Variants in ACTR3 observed in about 807,000 individuals in gnomAD.
ACTR3 encodes actin related protein 3.
Under a neutral mutation model 56.8 loss-of-function variants are expected in ACTR3, and 12 were observed. The ratio of observed to expected loss-of-function variants is 0.21; its 90% CI spans 0.14 to 0.34. The LOEUF (loss-of-function observed/expected upper bound fraction) is 0.34, where lower values mean the gene tolerates loss of function less well. ACTR3 is among the 10% of genes least tolerant of loss of function. ACTR3 has a pLI of 1.00. For missense variants in ACTR3, 282 were observed against 512.5 expected (o/e 0.55, Z 4.34); for synonymous variants, 162 against 167.4 (o/e 0.97, Z 0.25).
intron 1 of ACTR3, among the ~76,000 whole-genome samples, chr2:113,912,577 A>T (rs1679327539): frequency 6.6e-6 from 1 of 152,334 alleles, no homozygotes; most frequent in South Asian, 2.1e-4. Context: ...ATTTCTGTTC[A>T]TCATGCCCCA....
intron 8 of ACTR3, among the ~76,000 whole-genome samples, chr2:113,950,539 A>G (rs1212940791): frequency 8.5e-5 from 13 of 152,214 alleles, no homozygotes; most frequent in Admixed American, 8.5e-4. Context: ...GGAGTAACAA[A>G]TATGTTTTAG....
At chr2:113,950,925 G>C (rs1680109911) in intron 8 of ACTR3, 1 of 152,608 alleles carries the variant, frequency 6.6e-6, no homozygotes, top group African/African-American at 2.4e-5. Context: ...CTTACATGAT[G>C]GCAGCAGGCA....
intron 3 of ACTR3, among the ~76,000 whole-genome samples, chr2:113,926,980 T>C (rs755501775): frequency 3.0e-4 from 46 of 152,368 alleles, no homozygotes; most frequent in Middle Eastern, 6.8e-3. Flanking sequence ...CATTAAAAAT[T>C]AAGGAAATTG....
chr2:113,921,802 G>A (rs867201715), intron 3 of ACTR3, among the ~76,000 whole-genome samples: 7 of 152,136 alleles, frequency 4.6e-5, no homozygotes, highest in Middle Eastern at 3.2e-3. Flanking sequence ...GATTTTGGAG[G>A]TAAGAAACAA....
At chr2:113,942,569 G>GA (rs2104620156) in intron 8 of ACTR3, among the ~76,000 whole-genome samples, 1 of 151,942 alleles carries the variant, frequency 6.6e-6, no homozygotes, top group African/African-American at 2.4e-5. Flanking sequence ...TGCAGATTTA[G>GA]AAAAAACTTT....
intron 10 of ACTR3, chr2:113,952,645 G>A (rs776306834): frequency 6.6e-6 from 1 of 152,074 alleles, no homozygotes; most frequent in Non-Finnish European, 1.5e-5. Context: ...CATGATGGCT[G>A]ACTGTTGTCA....
In ACTR3 at chr2:113,960,431, T is replaced by C. The variant is rs1320345479; in HGVS notation, c.*2976T>C. On this transcript the variant is annotated 3_prime_UTR_variant, in exon 12 of 12. Transcript: ENST00000263238. ...TCTAGGAATATTTTTAGAAATAATA[T>C]GAAATACAGGGATAATAGGCCAATT... is the stretch of plus-strand genomic sequence containing the variant. 1 of 152,018 alleles carries C rather than the reference T, an allele frequency of 6.6e-6. No homozygotes were observed. The allele number at this position is 152,018 out of a possible 1,614,324, so 9.4% of individuals were successfully genotyped here.
At chr2:113,945,800 C>T (rs1680010468) in intron 8 of ACTR3, among the ~76,000 whole-genome samples, 1 of 152,152 alleles carries the variant, frequency 6.6e-6, no homozygotes, top group East Asian at 1.9e-4. Context: ...TTCCCACTCT[C>T]CACCCTCCGA....
At chr2:113,893,481 A>G (rs1360726732) in intron 1 of ACTR3, among the ~76,000 whole-genome samples, 1 of 152,110 alleles carries the variant, frequency 6.6e-6, no homozygotes, top group Non-Finnish European at 1.5e-5. Context: ...TTTAGTAGAG[A>G]TGGGGTTTCA....
intron 1 of ACTR3, among the ~76,000 whole-genome samples, chr2:113,896,875 A>C (rs2104579856): frequency 6.6e-6 from 1 of 152,344 alleles, no homozygotes; most frequent in East Asian, 1.9e-4. Flanking sequence ...GTTTAGCTCT[A>C]GCTAAATTTC....
At chr2:113,902,687 T>C (rs559174757) in intron 1 of ACTR3, among the ~76,000 whole-genome samples, 2 of 151,982 alleles carry the variant, frequency 1.3e-5, no homozygotes, top group South Asian at 4.1e-4. Flanking sequence ...GCAACCTCTT[T>C]CTCCCGGGTT....
Position 113,957,413 on chromosome 2 carries a change from T to A in ACTR3, c.1215T>A (p.Pro405=), listed in dbSNP as rs1680235619. The change falls in exon 12 of 12, where the codon CCT becomes CCA. Residue 405 remains proline (P), a synonymous_variant. Coordinates refer to ENST00000263238, the MANE Select transcript of ACTR3 (RefSeq NM_005721.5). ...HTKKDYEEIG[P]SICRHNPVFG... ...AAAAGGATTATGAAGAAATTGGACC[T>A]AGCATTTGTCGTCACAATCCAGTGT... The A allele has an allele frequency of 3.7e-6, 6 of 1,613,490 alleles. No homozygotes were observed. Among genetic ancestry groups the A allele is most frequent in the Non-Finnish European group, 5.1e-6 (6 of 1,179,612 alleles).
At chr2:113,926,411 C>T (rs1679620574) in intron 3 of ACTR3, among the ~76,000 whole-genome samples, 1 of 152,150 alleles carries the variant, frequency 6.6e-6, no homozygotes, top group South Asian at 2.1e-4. Context: ...TGGTAGTACA[C>T]TGGGGTGCTG....
At chr2:113,891,453 CAT>C (rs1678893081) in intron 1 of ACTR3, among the ~76,000 whole-genome samples, 1 of 151,654 alleles carries the variant, frequency 6.6e-6, no homozygotes, top group Non-Finnish European at 1.5e-5. Context: ...CTCATAACTG[CAT>C]AGAGAATAGA....
At chr2:113,922,804 C>T (rs560115085) in intron 3 of ACTR3, among the ~76,000 whole-genome samples, 1 of 152,198 alleles carries the variant, frequency 6.6e-6, no homozygotes, top group African/African-American at 2.4e-5. Context: ...ATATTGATGG[C>T]TAGGGAATAA....
chr2:113,899,942 A>C (rs1387963131), intron 1 of ACTR3, among the ~76,000 whole-genome samples: 2 of 152,198 alleles, frequency 1.3e-5, no homozygotes, highest in Non-Finnish European at 1.5e-5. Flanking sequence ...CTTATTTCAG[A>C]AGGATTTTAA....
Position 113,890,139 on chromosome 2 carries a change from T to C in ACTR3, c.-141T>C. On this transcript the variant is annotated 5_prime_UTR_variant, in exon 1 of 12. Transcript: ENST00000263238. ...GAGCCTGCTGCTTTCTTGCTACTGC[T>C]TCGGCTTCCCGGCTACCCCCCGGAC... is the stretch of plus-strand genomic sequence containing the variant. 1 of 1,095,418 alleles carries C rather than the reference T, an allele frequency of 9.1e-7. No individual in the cohort carries two copies. Among genetic ancestry groups the C allele is most frequent in the Non-Finnish European group, 1.3e-6 (1 of 745,538 alleles). 67.9% of individuals were successfully genotyped at this position (1,095,418 alleles called of 1,614,324 possible). A position where few individuals can be genotyped will look rare whatever the true frequency, so the allele number is the denominator to read the frequency against.
chr2:113,931,472 T>A, intron 5 of ACTR3, 76 bp downstream of exon 5: 3 of 818,082 alleles, frequency 3.7e-6, no homozygotes, highest in South Asian at 2.6e-5. Flanking sequence ...AATACGTACT[T>A]TTTTTTTTTT....
Position 113,915,888 on chromosome 2 carries a change from T to A in ACTR3, c.101-996T>A, listed in dbSNP as rs1405591198. ...AATGCTGCAGGTACAGTGTTTATAA[T>A]TAGCAGATAGAGACATTGCCACTGT... On this transcript the variant is annotated intron_variant, in intron 2 of 11. Coordinates refer to ENST00000263238, the MANE Select transcript of ACTR3 (RefSeq NM_005721.5). Among the ~76,000 whole-genome samples, 6 of 152,348 alleles carry A rather than the reference T, an allele frequency of 3.9e-5. No homozygotes were observed. The South Asian group carries it at 1.0e-3, about 26-fold the overall frequency.
Sources: allele counts gnomAD v4.1 joint callset (sites outside exome capture counted in the v4.1 genomes callset), GRCh38; gene constraint gnomAD v4.1.1; transcripts MANE v1.5; gene names NCBI Gene and HGNC (gene_info 2026-07-23, HGNC 2026-07-21).